RPGRIP1L: variants seen among roughly 807,000 people sequenced by gnomAD.
RPGRIP1L encodes RPGRIP1 like, also known as protein fantom.
Under a neutral mutation model 160.4 loss-of-function variants are expected in RPGRIP1L, and 131 were observed. The observed-to-expected ratio is 0.82, with a 90% CI of 0.71 to 0.94. The LOEUF is 0.94. Among genes scored for constraint, RPGRIP1L ranks in the 40% least tolerant of loss-of-function variants. The pLI is 0.00. For missense variants in RPGRIP1L, 1,522 were observed against 1,535.8 expected, an observed-to-expected ratio of 0.99 and a Z score of 0.15; for synonymous variants, 510 against 515.8, an observed-to-expected ratio of 0.99 and a Z score of 0.15.
At chr16:53,624,861 C>T (rs1964983002) in intron 22 of RPGRIP1L, among the ~76,000 whole-genome samples, 1 of 151,296 alleles carries the variant, frequency 6.6e-6, no homozygotes, top group African/African-American at 2.4e-5. Flanking sequence ...GCTGCAACCT[C>T]CCTGCCTGAT....
At chr16:53,636,549 T>A in intron 21 of RPGRIP1L, 37 bp from the exon 22 acceptor site, 1 of 1,414,880 alleles carries the variant, frequency 7.1e-7, no homozygotes, top group South Asian at 1.1e-5. Flanking sequence ...TTACACAAGT[T>A]AAACCAATTC....
intron 6 of RPGRIP1L, among the ~76,000 whole-genome samples, chr16:53,682,649 A>G (rs1354086973): frequency 6.6e-6 from 1 of 152,210 alleles, no homozygotes; most frequent in Non-Finnish European, 1.5e-5. Context: ...GACTGCCCCA[A>G]GCTTGAGCTT....
In RPGRIP1L at chr16:53,696,251, G is replaced by A. The variant is rs774932728; in HGVS notation, c.130C>T (p.Arg44Cys). Residue 44 changes from arginine (R) to cysteine (C), a missense_variant, in exon 3 of 27, where the codon CGT becomes TGT. Coordinates refer to ENST00000647211, the MANE Select transcript of RPGRIP1L (RefSeq NM_015272.5). ...TCTTCCAGTTCCTCACGACTGACAC[G>A]TGACACTGCCTGGCGAGACTTCATT... Reference protein sequence around the residue: ...RTMKSRQAVSRVSREELEDRF... With the variant: ...RTMKSRQAVSCVSREELEDRF... The A allele has an allele frequency of 9.3e-6, 15 of 1,613,878 alleles. No individual in the cohort carries two copies. In the East Asian group the frequency reaches 2.7e-4, roughly 29 times the overall value.
rs543719714 is a variant in RPGRIP1L, at chr16:53,642,317, C to T, written c.2684-842G>A. Among the ~76,000 whole-genome samples the T allele has an allele frequency of 5.9e-5, 9 of 152,094 alleles. No homozygotes were observed. The South Asian group carries it at 1.2e-3, about 21-fold the overall frequency. ...TCAAGCCATCCGCCTACTCAGCCTC[C>T]GGAGTAGCTGGGACTACAGGCACCG... On this transcript the variant is annotated intron_variant, in intron 17 of 26. Transcript: ENST00000647211.
chr16:53,698,673 G>T (rs1971086726), intron 2 of RPGRIP1L, among the ~76,000 whole-genome samples: 1 of 142,534 alleles, frequency 7.0e-6, no homozygotes, highest in South Asian at 2.2e-4. Flanking sequence ...GAGGTGGGGG[G>T]GTCAGCCCCC....
intron 23 of RPGRIP1L, 105 bp from the exon 24 acceptor site, chr16:53,619,313 A>C: frequency 1.0e-6 from 1 of 980,140 alleles, no homozygotes; most frequent in East Asian, 2.5e-5. Context: ...ACGAAGGCCA[A>C]TGGGCTTCTT....
intron 4 of RPGRIP1L, among the ~76,000 whole-genome samples, chr16:53,690,344 G>A (rs1009406666): frequency 4.6e-5 from 7 of 151,970 alleles, no homozygotes; most frequent in East Asian, 1.9e-4. Context: ...TTACAGGTGC[G>A]TGCCACCAAG....
chr16:53,697,513 C>T (rs1446357979), intron 2 of RPGRIP1L, among the ~76,000 whole-genome samples: 4 of 151,688 alleles, frequency 2.6e-5, no homozygotes, highest in African/African-American at 7.2e-5. Context: ...AGGCGCACGC[C>T]GCCACGCCTG....
chr16:53,659,196 T>C (rs1967547877), intron 10 of RPGRIP1L: 11 of 980,542 alleles, frequency 1.1e-5, no homozygotes, highest in African/African-American at 1.7e-5. Context: ...TGTTTCAAAA[T>C]CTGTGATTTT....
rs1014533742 is a variant in RPGRIP1L, at chr16:53,651,087, C to T, written c.2152+1448G>A. On this transcript the variant is annotated intron_variant, in intron 15 of 26. Transcript: ENST00000647211. ...CCACTTGGATGTCTAATAGGCGGGT[C>T]AGTCTTAACTTGTCCAAACAGAATT... 2.0e-5 allele frequency among the ~76,000 whole-genome samples: 3 copies of T among 152,178 alleles called. No individual in the cohort carries two copies. The East Asian group carries it at 5.8e-4, about 29-fold the overall frequency.
chr16:53,648,832 A>G (rs1038794004), intron 16 of RPGRIP1L, 132 bp downstream of exon 16: 20 of 807,612 alleles, frequency 2.5e-5, no homozygotes, highest in Middle Eastern at 3.2e-4. Context: ...TGAGTATATG[A>G]TTACTTCAAA....
chr16:53,615,504 C>T (rs568068510), intron 24 of RPGRIP1L, among the ~76,000 whole-genome samples: 8 of 122,684 alleles, frequency 6.5e-5, no homozygotes, highest in East Asian at 4.6e-4. Flanking sequence ...GATGGAGTCT[C>T]GCTCTGTCAC....
intron 19 of RPGRIP1L, among the ~76,000 whole-genome samples, chr16:53,640,116 C>T (rs1966110366): frequency 6.6e-6 from 1 of 151,946 alleles, no homozygotes; most frequent in South Asian, 2.1e-4. Flanking sequence ...TGTGGATGAC[C>T]TGGGTGTAGG....
intron 23 of RPGRIP1L, among the ~76,000 whole-genome samples, 195 bp downstream of exon 23, chr16:53,622,024 A>C (rs1290754100): frequency 7.0e-6 from 1 of 142,480 alleles, no homozygotes; most frequent in Non-Finnish European, 1.5e-5. Flanking sequence ...CTCCGTCTCA[A>C]AAAAAAAAAA....
chr16:53,689,070 ATATAT>A (rs1216199382), intron 4 of RPGRIP1L, among the ~76,000 whole-genome samples: 3 of 149,314 alleles, frequency 2.0e-5, no homozygotes, highest in Non-Finnish European at 4.4e-5. Context: ...GGCTATATAT[ATATAT>A]ATGTTATATA....
intron 14 of RPGRIP1L, among the ~76,000 whole-genome samples, chr16:53,655,295 T>C (rs555589050): frequency 7.4e-4 from 112 of 152,358 alleles, no homozygotes; most frequent in African/African-American, 2.6e-3. Context: ...TAATTTATGT[T>C]AACACGCAAT....
intron 4 of RPGRIP1L, among the ~76,000 whole-genome samples, chr16:53,690,355 C>T (rs900834017): frequency 9.9e-5 from 15 of 152,116 alleles, no homozygotes; most frequent in African/African-American, 3.6e-4. Flanking sequence ...TGCCACCAAG[C>T]CCAGCTAATT....
At chr16:53,610,905 T>C (rs1963992368) in intron 25 of RPGRIP1L, 62 bp downstream of exon 25, 3 of 1,308,318 alleles carry the variant, frequency 2.3e-6, no homozygotes, top group Admixed American at 1.7e-5. Context: ...ATTTTAACCA[T>C]GTCCTGCTAC....
intron 22 of RPGRIP1L, among the ~76,000 whole-genome samples, chr16:53,625,884 G>C (rs1252057387): frequency 6.6e-6 from 1 of 151,934 alleles, no homozygotes; most frequent in South Asian, 2.1e-4. Flanking sequence ...TGTCAACTCA[G>C]GGTTAAATGG....
Sources: allele counts gnomAD v4.1 joint callset (sites outside exome capture counted in the v4.1 genomes callset), GRCh38; gene constraint gnomAD v4.1.1; transcripts MANE v1.5; gene names NCBI Gene and HGNC (gene_info 2026-07-23, HGNC 2026-07-21).